The following MCUB variants were observed in gnomAD, a reference collection of about 807,000 sequenced individuals.
MCUB encodes the protein calcium uniporter regulatory subunit MCUb, mitochondrial.
Under a neutral mutation model 41.4 loss-of-function variants are expected in MCUB, and 46 were observed. That is an observed-to-expected ratio of 1.11 (90% CI 0.88 to 1.42). The LOEUF (loss-of-function observed/expected upper bound fraction) is 1.42, where lower values mean the gene tolerates loss of function less well. Ranked by LOEUF, MCUB falls within the 40% of genes most tolerant of loss-of-function variation. MCUB has a pLI of 0.00. For missense variants in MCUB, 403 were observed against 404.9 expected (o/e 1.00, Z 0.04); for synonymous variants, 148 against 148.2 (o/e 1.00, Z 0.01).
chr4:109,589,691 T>TTC (rs1002822075), intron 1 of MCUB, among the ~76,000 whole-genome samples: 2 of 152,152 alleles, frequency 1.3e-5, no homozygotes, highest in African/African-American at 2.4e-5. Context: ...TGATGGTTTT[T>TTC]TCTCTCTCTC....
chr4:109,663,671 T>G (rs1051105776), intron 3 of MCUB, among the ~76,000 whole-genome samples: 1 of 152,198 alleles, frequency 6.6e-6, no homozygotes, highest in African/African-American at 2.4e-5. Flanking sequence ...ATCAGTTACC[T>G]CTAATAATTA....
intron 1 of MCUB, among the ~76,000 whole-genome samples, chr4:109,613,564 G>A (rs1342053765): frequency 1.3e-5 from 2 of 152,202 alleles, no homozygotes; most frequent in Non-Finnish European, 2.9e-5. Context: ...TTTCATCAAA[G>A]TATGCAAGCT....
At chr4:109,575,029 A>G (rs1237637645) in intron 1 of MCUB, among the ~76,000 whole-genome samples, 1 of 152,176 alleles carries the variant, frequency 6.6e-6, no homozygotes, top group Non-Finnish European at 1.5e-5. Context: ...AAATAGGAGC[A>G]TTTGAGACCC....
chr4:109,645,236 A>G (rs928640038), intron 1 of MCUB, among the ~76,000 whole-genome samples: 6 of 152,260 alleles, frequency 3.9e-5, no homozygotes, highest in South Asian at 2.1e-4. Flanking sequence ...CTTAAAATCA[A>G]CTGGTAGAGG....
chr4:109,634,455 C>T (rs1455516920), intron 1 of MCUB, among the ~76,000 whole-genome samples: 1 of 148,176 alleles, frequency 6.7e-6, no homozygotes, highest in East Asian at 2.0e-4. Context: ...TGCACTCCAG[C>T]CTGGGCAACA....
chr4:109,681,588 T>G, intron 4 of MCUB: 1 of 324,016 alleles, frequency 3.1e-6, no homozygotes, highest in Non-Finnish European at 6.2e-6. Flanking sequence ...TACAGCTCTA[T>G]TAGAAGTCGT....
chr4:109,642,485 G>C (rs1365724700), intron 1 of MCUB, among the ~76,000 whole-genome samples: 1 of 152,160 alleles, frequency 6.6e-6, no homozygotes, highest in East Asian at 1.9e-4. Context: ...TTATTTTTCT[G>C]TATCAGTGTG....
At chr4:109,658,108 G>A (rs1317636796) in intron 1 of MCUB, among the ~76,000 whole-genome samples, 2 of 152,150 alleles carry the variant, frequency 1.3e-5, no homozygotes, top group Non-Finnish European at 2.9e-5. Context: ...GATTACAGGC[G>A]TGAGCCATCG....
At chr4:109,682,319 G>T (rs1729735900) in intron 4 of MCUB, among the ~76,000 whole-genome samples, 1 of 114,376 alleles carries the variant, frequency 8.7e-6, no homozygotes. Context: ...TCATTTTTTT[G>T]GTGACTTTTT....
chr4:109,635,249 G>A (rs762886142), intron 1 of MCUB, among the ~76,000 whole-genome samples: 2 of 152,184 alleles, frequency 1.3e-5, no homozygotes, highest in Admixed American at 6.5e-5. Context: ...TGTGAACAAT[G>A]CTGCAATAAA....
intron 1 of MCUB, among the ~76,000 whole-genome samples, chr4:109,589,813 G>A (rs9999940): frequency 0.018 from 2,749 of 152,300 alleles, 60 homozygotes; most frequent in South Asian, 0.072. Context: ...GGTGCTCCGT[G>A]CATACTATTC....
At chr4:109,570,208 T>C (rs1050449877) in intron 1 of MCUB, among the ~76,000 whole-genome samples, 2 of 152,236 alleles carry the variant, frequency 1.3e-5, no homozygotes, top group African/African-American at 4.8e-5. Context: ...TTAGGGCTTT[T>C]TTATGTATTG....
At chr4:109,600,453 T>C (rs1458054776) in intron 1 of MCUB, among the ~76,000 whole-genome samples, 1 of 152,240 alleles carries the variant, frequency 6.6e-6, no homozygotes, top group Non-Finnish European at 1.5e-5. Flanking sequence ...ATGCTAACTT[T>C]CCACTTTCTG....
rs143658800 is a variant in MCUB at position 109,571,927 on chromosome 4, A to C, written c.99+11491A>C. 2.4e-3 allele frequency among the ~76,000 whole-genome samples: 368 copies of C among 152,360 alleles called. 1 individual carries two copies. Among genetic ancestry groups the C allele is most frequent in the African/African-American group, 8.3e-3 (344 of 41,582 alleles). Reference sequence around the variant, plus strand: ...CCTGGCCAGGAACCACATTCTAGCTAAAAGTTGATTACTGTGGGAAGAGGA... The same window carrying C: ...CCTGGCCAGGAACCACATTCTAGCTCAAAGTTGATTACTGTGGGAAGAGGA... On this transcript the variant is annotated intron_variant, in intron 1 of 7. Coordinates refer to ENST00000394650, the MANE Select transcript of MCUB (RefSeq NM_017918.5).
At chr4:109,656,700 AT>A (rs965073087) in intron 1 of MCUB, among the ~76,000 whole-genome samples, 2 of 152,174 alleles carry the variant, frequency 1.3e-5, no homozygotes, top group Non-Finnish European at 2.9e-5. Flanking sequence ...TTTGACTTTT[AT>A]GCACAGAAAA....
chr4:109,577,079 T>G (rs1243805098), intron 1 of MCUB, among the ~76,000 whole-genome samples: 3 of 152,204 alleles, frequency 2.0e-5, no homozygotes, highest in Non-Finnish European at 4.4e-5. Flanking sequence ...CTTGAACTTC[T>G]TACCTCAAGT....
At position 109,599,592 on chromosome 4, in the gene MCUB, T is replaced by C. The variant is rs114665873; in HGVS notation, c.99+39156T>C. Among the ~76,000 whole-genome samples, 1,256 of 152,228 alleles carry C rather than the reference T, an allele frequency of 8.3e-3. 15 individuals carry two copies. The highest frequency in any genetic ancestry group is 0.029 in the African/African-American group (1,194 of 41,504). ...GATTCAGAATCTTGGTTTTGTAAGT[T>C]CCCTTGGGTAGTCTGGCCCTAGAGA... On this transcript the variant is annotated intron_variant, in intron 1 of 7. Coordinates refer to ENST00000394650, the MANE Select transcript of MCUB (RefSeq NM_017918.5).
intron 1 of MCUB, among the ~76,000 whole-genome samples, chr4:109,563,039 C>T (rs988206571): frequency 6.6e-6 from 1 of 152,200 alleles, no homozygotes; most frequent in African/African-American, 2.4e-5. Context: ...CTCTGCTTGT[C>T]AGCACTCTAG....
At chr4:109,643,305 C>T (rs1307596069) in intron 1 of MCUB, among the ~76,000 whole-genome samples, 1 of 151,472 alleles carries the variant, frequency 6.6e-6, no homozygotes, top group African/African-American at 2.4e-5. Flanking sequence ...CTGCCTCAGC[C>T]TCCTGAGTAG....
Sources: gnomAD v4.1 joint callset for allele counts (sites outside exome capture counted in the v4.1 genomes callset) on GRCh38, gnomAD v4.1.1 for gene constraint, MANE v1.5 for transcripts, NCBI Gene and HGNC (gene_info 2026-07-23, HGNC 2026-07-21) for gene names.